SLC35D4: variants seen among roughly 807,000 people sequenced by gnomAD.
SLC35D4 encodes solute carrier family 35 member D4, also known as UDP-N-acetylglucosamine transporter SLC35D4.
the SLC35D4 span, among the ~76,000 whole-genome samples, chr18:23,244,615 A>C: frequency 6.6e-6 from 1 of 152,244 alleles, no homozygotes; most frequent in Non-Finnish European, 1.5e-5. Context: ...GCTGCTTTCC[A>C]GTGCCCAGCT....
chr18:23,370,957 T>G, the SLC35D4 span, among the ~76,000 whole-genome samples: 2 of 152,124 alleles, frequency 1.3e-5, no homozygotes, highest in Non-Finnish European at 2.9e-5. Context: ...AAATGCCCAT[T>G]TAATTTTAAC....
At chr18:23,271,727 C>T in the SLC35D4 span, among the ~76,000 whole-genome samples, 4 of 152,156 alleles carry the variant, frequency 2.6e-5, no homozygotes, top group Non-Finnish European at 4.4e-5. Context: ...GCCCCATCTC[C>T]GACCTCTGGG....
the SLC35D4 span, among the ~76,000 whole-genome samples, chr18:23,306,277 G>A: frequency 2.0e-5 from 3 of 151,162 alleles, no homozygotes; most frequent in Non-Finnish European, 2.9e-5. Context: ...TACTCTGATT[G>A]CAGGCATGGA....
At chr18:23,423,087 C>A in the SLC35D4 span, among the ~76,000 whole-genome samples, 1 of 152,206 alleles carries the variant, frequency 6.6e-6, no homozygotes, top group Non-Finnish European at 1.5e-5. Context: ...CCCCTCTCCA[C>A]GGTCAGCTCC....
At chr18:23,363,116 G>A in the SLC35D4 span, among the ~76,000 whole-genome samples, 1 of 151,466 alleles carries the variant, frequency 6.6e-6, no homozygotes, top group Non-Finnish European at 1.5e-5. Flanking sequence ...ATGGTGGCAG[G>A]TGCCTATAAT....
At chr18:23,421,752 C>T in the SLC35D4 span, among the ~76,000 whole-genome samples, 1 of 150,618 alleles carries the variant, frequency 6.6e-6, no homozygotes, top group Admixed American at 6.6e-5. Flanking sequence ...TCTCGGCTCA[C>T]TGCAACCTCC....
chr18:23,405,708 C>T, the SLC35D4 span, among the ~76,000 whole-genome samples: 3 of 152,024 alleles, frequency 2.0e-5, no homozygotes, highest in South Asian at 2.1e-4. Flanking sequence ...AGAGGGGTGT[C>T]GGGGAAGGAG....
At chr18:23,279,842 TATACACACAC>T in the SLC35D4 span, among the ~76,000 whole-genome samples, 2 of 152,154 alleles carry the variant, frequency 1.3e-5, no homozygotes, top group South Asian at 2.1e-4. Context: ...TATATACATA[TATACACACAC>T]ATACACACAC....
At chr18:23,327,036 C>T in the SLC35D4 span, among the ~76,000 whole-genome samples, 1 of 152,168 alleles carries the variant, frequency 6.6e-6, no homozygotes, top group Admixed American at 6.5e-5. Context: ...ATCTCTGGGA[C>T]ACATTTAAAG....
At chr18:23,364,934 G>GAATAAAAAGAATT in the SLC35D4 span, among the ~76,000 whole-genome samples, 2 of 88,988 alleles carry the variant, frequency 2.2e-5, 1 homozygote, top group South Asian at 7.4e-4. Context: ...AAAAAAAAAA[G>GAATAAAAAGAATT]GACTCCTTTC....
chr18:23,432,243 G>A, the SLC35D4 span, among the ~76,000 whole-genome samples: 1 of 152,162 alleles, frequency 6.6e-6, no homozygotes, highest in Non-Finnish European at 1.5e-5. Context: ...ACATACTGGA[G>A]GAAATCAAAG....
chr18:23,411,372 G>A, the SLC35D4 span, among the ~76,000 whole-genome samples: 1 of 148,710 alleles, frequency 6.7e-6, no homozygotes, highest in Non-Finnish European at 1.5e-5. Flanking sequence ...AGGGAGAGAA[G>A]AGAAGGGAGA....
the SLC35D4 span, chr18:23,437,827 C>A: frequency 1.2e-6 from 2 of 1,613,060 alleles, no homozygotes; most frequent in Non-Finnish European, 8.5e-7. Context: ...AAAGGTGAGG[C>A]CGACCAGAGA....
At chr18:23,309,627 T>C in the SLC35D4 span, 1 of 1,522,038 alleles carries the variant, frequency 6.6e-7, no homozygotes, top group Non-Finnish European at 9.1e-7. Context: ...TTTAGTATCC[T>C]GATGAAACTC....
the SLC35D4 span, among the ~76,000 whole-genome samples, chr18:23,342,293 C>A: frequency 6.6e-6 from 1 of 152,112 alleles, no homozygotes; most frequent in Admixed American, 6.5e-5. Context: ...TTTTTATGGG[C>A]ATTTCACACA....
At chr18:23,409,333 A>C in the SLC35D4 span, among the ~76,000 whole-genome samples, 5 of 152,202 alleles carry the variant, frequency 3.3e-5, no homozygotes, top group African/African-American at 1.2e-4. Flanking sequence ...GCTATTGTAC[A>C]TATTATTTAC....
At chr18:23,365,746 G>A in the SLC35D4 span, 6 of 1,547,588 alleles carry the variant, frequency 3.9e-6, no homozygotes, top group Non-Finnish European at 5.3e-6. Context: ...ATTTTACTTG[G>A]AAATAGTTAA....
chr18:23,301,625 G>A, the SLC35D4 span, among the ~76,000 whole-genome samples: 2 of 152,156 alleles, frequency 1.3e-5, no homozygotes, highest in Non-Finnish European at 2.9e-5. Context: ...ATGTGATCAT[G>A]GAATCCTTAG....
the SLC35D4 span, among the ~76,000 whole-genome samples, chr18:23,413,956 TA>T: frequency 0.019 from 2,474 of 133,402 alleles, 34 homozygotes; most frequent in Middle Eastern, 0.039. Context: ...AAAAAAAAAT[TA>T]AAAAAAAAAA....
Sources: allele counts gnomAD v4.1 joint callset (sites outside exome capture counted in the v4.1 genomes callset), GRCh38; gene constraint gnomAD v4.1.1; transcripts MANE v1.5; gene names NCBI Gene and HGNC (gene_info 2026-07-23, HGNC 2026-07-21).